Variants in SEPTIN2 observed in about 807,000 individuals in gnomAD.
SEPTIN2 encodes septin 2.
Under a neutral mutation model 46.5 loss-of-function variants are expected in SEPTIN2, and 34 were observed. That is an observed-to-expected ratio of 0.73 (90% CI 0.56 to 0.97). The LOEUF (loss-of-function observed/expected upper bound fraction) is 0.97, where lower values mean the gene tolerates loss of function less well. SEPTIN2 is among the 50% of genes least tolerant of loss of function. The pLI is 0.00. For synonymous variants in SEPTIN2, 175 were observed against 153.4 expected (o/e 1.14, Z -1.04); for missense variants, 347 against 448.4 (o/e 0.77, Z 2.04).
At chr2:241,319,216 C>T (rs1041896300) in intron 1 of SEPTIN2, among the ~76,000 whole-genome samples, 2 of 151,978 alleles carry the variant, frequency 1.3e-5, no homozygotes, top group Non-Finnish European at 2.9e-5. Context: ...AAAGAACTAG[C>T]TATGTGTAAT....
At chr2:241,335,366 C>A in intron 4 of SEPTIN2, 154 bp downstream of exon 4, 1 of 1,552,284 alleles carries the variant, frequency 6.4e-7, no homozygotes, top group Non-Finnish European at 8.7e-7. Context: ...GTGTGCTGCA[C>A]CGAGGTCCTT....
intron 7 of SEPTIN2, among the ~76,000 whole-genome samples, chr2:241,339,147 A>C (rs2080898523): frequency 1.3e-5 from 2 of 149,518 alleles, no homozygotes; most frequent in South Asian, 4.2e-4. Flanking sequence ...TAATCCCTGC[A>C]CTTTGGAAGG....
At chr2:241,328,876 C>T (rs556690492) in intron 3 of SEPTIN2, among the ~76,000 whole-genome samples, 27 of 148,930 alleles carry the variant, frequency 1.8e-4, no homozygotes, top group South Asian at 1.1e-3. Context: ...CAAAATTAGC[C>T]GGGCATGGTG....
At chr2:241,319,431 G>A (rs909829920) in intron 1 of SEPTIN2, among the ~76,000 whole-genome samples, 9 of 152,184 alleles carry the variant, frequency 5.9e-5, no homozygotes, top group Non-Finnish European at 7.3e-5. Flanking sequence ...TTTTGTATAG[G>A]TCTTCATGTA....
intron 2 of SEPTIN2, among the ~76,000 whole-genome samples, 198 bp from the exon 3 acceptor site, chr2:241,325,795 A>G (rs986344182): frequency 6.6e-6 from 1 of 152,188 alleles, no homozygotes; most frequent in African/African-American, 2.4e-5. Flanking sequence ...GTTATACTAG[A>G]TAAGTTTTTC....
rs1282780020 is a variant in SEPTIN2 at position 241,337,397 on chromosome 2, C to T, written c.357C>T (p.Ile119=). ...INCRDCFKTI[I]SYIDEQFERY... is the part of the protein sequence containing the mutation. ...TTTCTCTCAGTTTTAAGACAATTAT[C>T]TCCTATATTGATGAGCAATTTGAGA... Residue 119 remains isoleucine (I), a synonymous_variant, in exon 6 of 13, where the codon ATC becomes ATT. Transcript: ENST00000391971. The T allele has an allele frequency of 1.2e-6, 2 of 1,613,642 alleles. No individual in the cohort carries two copies. Among genetic ancestry groups the T allele is most frequent in the East Asian group, 2.2e-5 (1 of 44,878 alleles).
intron 1 of SEPTIN2, among the ~76,000 whole-genome samples, chr2:241,321,477 A>G (rs1039873592): frequency 6.6e-6 from 1 of 152,102 alleles, no homozygotes; most frequent in Non-Finnish European, 1.5e-5. Flanking sequence ...TGTTTGCACT[A>G]GCCTGCTATT....
intron 4 of SEPTIN2, 146 bp from the exon 5 acceptor site, chr2:241,335,829 G>C: frequency 2.0e-6 from 2 of 979,932 alleles, no homozygotes; most frequent in Non-Finnish European, 1.6e-6. Flanking sequence ...ACTTCTCTGG[G>C]ATCTTTTTTT....
At chr2:241,316,315 G>T (rs1020987476) in intron 1 of SEPTIN2, 1 of 503,848 alleles carries the variant, frequency 2.0e-6, no homozygotes. Flanking sequence ...GTGCGGTCGA[G>T]GTCGGGAGGT....
At chr2:241,350,228 G>A in intron 12 of SEPTIN2, 25 bp downstream of exon 12, 7 of 1,356,338 alleles carry the variant, frequency 5.2e-6, no homozygotes, top group Non-Finnish European at 7.0e-6. Flanking sequence ...CCCTTAGCCT[G>A]GAAGACAGGC....
intron 5 of SEPTIN2, 184 bp downstream of exon 5, chr2:241,336,282 C>G (rs539648563): frequency 3.2e-6 from 2 of 634,244 alleles, no homozygotes; most frequent in East Asian, 5.8e-5. Flanking sequence ...TAATTTTTTT[C>G]TGGTACTCTA....
chr2:241,324,118 G>A, intron 1 of SEPTIN2, 98 bp from the exon 2 acceptor site: 1 of 1,103,394 alleles, frequency 9.1e-7, no homozygotes. Context: ...GTATGTGTAA[G>A]TCTTCTTCAG....
rs1330149070 is a variant in SEPTIN2 at position 241,337,199 on chromosome 2, T to TA, written c.342-182dup. 13 of 580,434 alleles carry TA rather than the reference T, an allele frequency of 2.2e-5. No homozygotes were observed. In the Admixed American group the frequency reaches 2.7e-4, roughly 12 times the overall value. The allele number at this position is 580,434 out of a possible 1,614,324, so 36.0% of individuals were successfully genotyped here. On this transcript the variant is annotated intron_variant, in intron 5 of 12. Transcript: ENST00000391971. ...TTGACTCTCAGCACTTAGGGGCAGT[T>TA]ATGCTTGGCATAGTTTCCAAAAACT... is the stretch of plus-strand genomic sequence containing the variant.
Position 241,340,969 on chromosome 2 carries a change from A to G in SEPTIN2, c.595-2023A>G, listed in dbSNP as rs1318543579. 2.0e-5 allele frequency among the ~76,000 whole-genome samples: 3 copies of G among 152,036 alleles called. No individual in the cohort carries two copies. The East Asian group carries it at 5.8e-4, about 29-fold the overall frequency. On this transcript the variant is annotated intron_variant, in intron 7 of 12. Coordinates refer to ENST00000391971, the MANE Select transcript of SEPTIN2 (RefSeq NM_004404.5). ...TCAGGCTTCCTGTCATCCACCTGCA[A>G]TTGCTCTCTCATGGGCTTGGCCAAC...
rs1464111134 is a variant in SEPTIN2, at chr2:241,337,525, T to G, written c.476+9T>G. ...TCACCTTTTGGACATGGGTAAGTAA[T>G]TGTTTATCGTGGAGAAATGCTTTAC... On this transcript the variant is annotated intron_variant, in intron 6 of 12. Coordinates refer to ENST00000391971, the MANE Select transcript of SEPTIN2 (RefSeq NM_004404.5). 7 of 1,613,044 alleles carry G rather than the reference T, an allele frequency of 4.3e-6. No homozygotes were observed. Among genetic ancestry groups the G allele is most frequent in the East Asian group, 2.2e-5 (1 of 44,846 alleles).
chr2:241,335,647 T>C (rs949695314), intron 4 of SEPTIN2: 25 of 570,036 alleles, frequency 4.4e-5, no homozygotes, highest in South Asian at 4.3e-4. Flanking sequence ...AGCCTAAGAC[T>C]TGGGCTGCTG....
At chr2:241,347,282 T>A (rs2060341000) in intron 10 of SEPTIN2, among the ~76,000 whole-genome samples, 3 of 152,208 alleles carry the variant, frequency 2.0e-5, no homozygotes, top group Admixed American at 2.0e-4. Context: ...TTCATTAAAA[T>A]TCTCACATTC....
rs1487365422 is a variant in SEPTIN2 at position 241,337,742 on chromosome 2, A to G, written c.546A>G (p.Ala182=). 5.6e-6 allele frequency: 9 copies of G among 1,614,150 alleles called. No homozygotes were observed. In the East Asian group the frequency reaches 6.7e-5, roughly 12 times the overall value. Residue 182 remains alanine (A), a synonymous_variant, in exon 7 of 13, where the codon GCA becomes GCG. Transcript: ENST00000391971. ...HNKVNIVPVI[A]KADTLTLKER... ...AGGTGAATATTGTGCCTGTCATTGC[A>G]AAAGCTGACACTCTCACCCTGAAGG...
intron 8 of SEPTIN2, 138 bp from the exon 9 acceptor site, chr2:241,343,614 A>T: frequency 1.1e-6 from 1 of 894,088 alleles, no homozygotes; most frequent in South Asian, 1.8e-5. Flanking sequence ...TTTCAAGAAA[A>T]TGTTACATAC....
Sources: allele counts gnomAD v4.1 joint callset (sites outside exome capture counted in the v4.1 genomes callset), GRCh38; gene constraint gnomAD v4.1.1; transcripts MANE v1.5; gene names NCBI Gene and HGNC (gene_info 2026-07-23, HGNC 2026-07-21).